Variants in KLHL1 observed in about 807,000 individuals in gnomAD.
KLHL1 encodes the protein kelch like family member 1.
Under a neutral mutation model 77.7 loss-of-function variants are expected in KLHL1, and 47 were observed. The observed-to-expected ratio is 0.60, with a 90% CI of 0.48 to 0.77. The LOEUF (loss-of-function observed/expected upper bound fraction) is 0.77, where lower values mean the gene tolerates loss of function less well. Ranked by LOEUF, KLHL1 falls within the 30% of genes least tolerant of loss-of-function variation. The pLI is 0.00. For missense variants in KLHL1, 925 were observed against 910.8 expected (o/e 1.02, Z -0.20); for synonymous variants, 360 against 325.2 (o/e 1.11, Z -1.15).
chr13:70,096,563 G>A (rs1227680001), intron 1 of KLHL1, among the ~76,000 whole-genome samples: 3 of 151,426 alleles, frequency 2.0e-5, no homozygotes, highest in African/African-American at 7.3e-5. Flanking sequence ...ATTACTTCTG[G>A]CAGCAGAAGT....
intron 3 of KLHL1, among the ~76,000 whole-genome samples, chr13:69,948,762 A>T (rs1434794893): frequency 6.6e-6 from 1 of 152,008 alleles, no homozygotes; most frequent in Non-Finnish European, 1.5e-5. Context: ...CCTATTAACA[A>T]ATGCACAGAG....
At chr13:69,797,101 AAGG>A in intron 6 of KLHL1, 139 bp from the exon 7 acceptor site, 1 of 655,066 alleles carries the variant, frequency 1.5e-6, no homozygotes, top group Non-Finnish European at 2.6e-6. Flanking sequence ...AGAAAAACAA[AAGG>A]AGTAGTAATT....
rs1051290520 is a variant in KLHL1 at position 70,108,206 on chromosome 13, G to A, written c.-507C>T. ...TGTCTGGAGAGCGCAGAGAGAAAGA[G>A]CCCCAAGTCTCGAGGAAGCGTACCC... On this transcript the variant is annotated 5_prime_UTR_variant, in exon 1 of 11. Coordinates refer to ENST00000377844, the MANE Select transcript of KLHL1 (RefSeq NM_020866.3). 2.8e-5 allele frequency: 11 copies of A among 395,604 alleles called. No individual in the cohort carries two copies. The highest frequency in any genetic ancestry group is 4.9e-5 in the Non-Finnish European group (11 of 225,030). The allele number at this position is 395,604 out of a possible 1,614,324, so 24.5% of individuals were successfully genotyped here.
At chr13:69,806,075 G>A (rs1877604251) in intron 6 of KLHL1, among the ~76,000 whole-genome samples, 2 of 152,102 alleles carry the variant, frequency 1.3e-5, no homozygotes, top group Non-Finnish European at 2.9e-5. Context: ...TAATACATAT[G>A]AGTATTTTTA....
intron 7 of KLHL1, among the ~76,000 whole-genome samples, chr13:69,790,326 G>C (rs1876811596): frequency 6.6e-6 from 1 of 152,170 alleles, no homozygotes; most frequent in East Asian, 1.9e-4. Flanking sequence ...GAAATCTACA[G>C]AACAGTGAGG....
chr13:69,712,635 C>G (rs1875929866), intron 9 of KLHL1, among the ~76,000 whole-genome samples: 1 of 151,778 alleles, frequency 6.6e-6, no homozygotes, highest in Non-Finnish European at 1.5e-5. Context: ...AACTTAGGAC[C>G]CTTTTCACTT....
intron 5 of KLHL1, among the ~76,000 whole-genome samples, chr13:69,860,688 T>C (rs1489463080): frequency 6.6e-6 from 1 of 151,860 alleles, no homozygotes; most frequent in African/African-American, 2.4e-5. Context: ...AAATATTTTG[T>C]ACATGTTTAA....
chr13:69,796,054 T>G (rs752728467), intron 7 of KLHL1, among the ~76,000 whole-genome samples: 1 of 152,212 alleles, frequency 6.6e-6, no homozygotes, highest in African/African-American at 2.4e-5. Flanking sequence ...CATATTCAAC[T>G]GTACATATCG....
intron 1 of KLHL1, among the ~76,000 whole-genome samples, chr13:70,103,884 A>G (rs1047670436): frequency 6.6e-6 from 1 of 152,142 alleles, no homozygotes; most frequent in African/African-American, 2.4e-5. Context: ...TGGCTATGTA[A>G]GACTACAGTT....
At chr13:69,778,982 T>A (rs1034691888) in intron 7 of KLHL1, among the ~76,000 whole-genome samples, 1 of 151,880 alleles carries the variant, frequency 6.6e-6, no homozygotes, top group Non-Finnish European at 1.5e-5. Context: ...GTATTTTTAG[T>A]AGAGATAGGG....
intron 1 of KLHL1, among the ~76,000 whole-genome samples, chr13:70,067,659 AC>A (rs1887041597): frequency 4.6e-5 from 7 of 151,990 alleles, no homozygotes; most frequent in Admixed American, 3.3e-4. Context: ...AACAACAACA[AC>A]AAAAAGGTTC....
intron 8 of KLHL1, among the ~76,000 whole-genome samples, chr13:69,738,378 A>G (rs1418372636): frequency 3.9e-5 from 6 of 152,178 alleles, no homozygotes; most frequent in Non-Finnish European, 7.3e-5. Context: ...GCAAGTGCAC[A>G]GAACTGGGCG....
At chr13:70,041,897 A>G (rs1886386874) in intron 1 of KLHL1, among the ~76,000 whole-genome samples, 1 of 151,960 alleles carries the variant, frequency 6.6e-6, no homozygotes, top group Non-Finnish European at 1.5e-5. Flanking sequence ...TCTTGGCTCC[A>G]TTTGTTGGCA....
chr13:69,946,220 G>A (rs989375171), intron 3 of KLHL1, among the ~76,000 whole-genome samples: 14 of 152,062 alleles, frequency 9.2e-5, no homozygotes, highest in Non-Finnish European at 1.8e-4. Flanking sequence ...AAAAGGACAT[G>A]AGAAAACATT....
At chr13:69,735,991 A>G (rs886746516) in intron 8 of KLHL1, among the ~76,000 whole-genome samples, 1 of 152,192 alleles carries the variant, frequency 6.6e-6, no homozygotes, top group Non-Finnish European at 1.5e-5. Context: ...TACAGTGTTA[A>G]GTCACTTTTT....
chr13:69,893,636 A>C (rs2138213211), intron 4 of KLHL1, among the ~76,000 whole-genome samples: 1 of 152,350 alleles, frequency 6.6e-6, no homozygotes, highest in South Asian at 2.1e-4. Flanking sequence ...ATATATTGTT[A>C]TGTATGATGC....
At chr13:70,036,835 C>CTTTTTT (rs5804467) in intron 1 of KLHL1, among the ~76,000 whole-genome samples, 174 of 50,644 alleles carry the variant, frequency 3.4e-3, no homozygotes, top group East Asian at 7.7e-3. Context: ...ATGCCATGGT[C>CTTTTTT]TTTTTTTTTT....
intron 1 of KLHL1, among the ~76,000 whole-genome samples, chr13:70,101,586 G>A (rs1009967830): frequency 4.6e-5 from 7 of 152,000 alleles, no homozygotes; most frequent in South Asian, 4.2e-4. Flanking sequence ...TTGCCACCAC[G>A]CTTGGCTAAT....
intron 1 of KLHL1, among the ~76,000 whole-genome samples, chr13:69,990,424 C>A (rs1264691731): frequency 6.6e-6 from 1 of 151,678 alleles, no homozygotes; most frequent in Admixed American, 6.6e-5. Flanking sequence ...TTGAAGAGAC[C>A]CATCTCATCT....
Sources: gnomAD v4.1 joint callset for allele counts (sites outside exome capture counted in the v4.1 genomes callset) on GRCh38, gnomAD v4.1.1 for gene constraint, MANE v1.5 for transcripts, NCBI Gene and HGNC (gene_info 2026-07-23, HGNC 2026-07-21) for gene names.